Variants in MRPL48 observed in about 807,000 individuals in gnomAD.
MRPL48 encodes mitochondrial ribosomal protein L48.
In MRPL48, 16 loss-of-function variants were observed where a neutral mutation model predicts 32.9. That is an observed-to-expected ratio of 0.49 (90% CI 0.33 to 0.74). MRPL48 has a LOEUF of 0.74. Ranked by LOEUF, MRPL48 falls within the 30% of genes least tolerant of loss-of-function variation. The pLI is 0.02. For missense variants in MRPL48, 206 were observed against 245.3 expected, an observed-to-expected ratio of 0.84 and a Z score of 1.07; for synonymous variants, 94 against 89.2, an observed-to-expected ratio of 1.05 and a Z score of -0.31.
intron 3 of MRPL48, among the ~76,000 whole-genome samples, chr11:73,813,957 C>T (rs1947613251): frequency 6.7e-6 from 1 of 149,290 alleles, no homozygotes; most frequent in South Asian, 2.1e-4. Flanking sequence ...AGGGGAATGG[C>T]GTGAACCCGG....
At position 73,863,279 on chromosome 11, in the gene MRPL48, AAGAGGCCCCTGCTGGCCTGCAT is replaced by A; in HGVS notation, c.564+20_564+41del. ...TGAAGGAGGTAGGTGCTGGTTTGAG[AAGAGGCCCCTGCTGGCCTGCAT>A]ATGCTCAAAATAAGGATAAGAACAT... On this transcript the variant is annotated intron_variant, in intron 7 of 7. Coordinates refer to ENST00000310614, the MANE Select transcript of MRPL48 (RefSeq NM_016055.6). The A allele has an allele frequency of 6.5e-7, 1 of 1,547,746 alleles. No homozygotes were observed. Among genetic ancestry groups the A allele is most frequent in the Non-Finnish European group, 8.8e-7 (1 of 1,141,988 alleles).
chr11:73,817,819 TGA>T, intron 3 of MRPL48: 2 of 407,858 alleles, frequency 4.9e-6, no homozygotes, highest in South Asian at 1.8e-5. Context: ...TTTTTGTTTT[TGA>T]GAGAGAGACG....
At chr11:73,798,653 G>A (rs545494251) in intron 1 of MRPL48, among the ~76,000 whole-genome samples, 16 of 152,144 alleles carry the variant, frequency 1.1e-4, no homozygotes, top group African/African-American at 3.6e-4. Flanking sequence ...GTAACAGATG[G>A]ATCATTATAG....
At chr11:73,835,808 G>T (rs1269082081) in intron 4 of MRPL48, among the ~76,000 whole-genome samples, 1 of 152,070 alleles carries the variant, frequency 6.6e-6, no homozygotes, top group African/African-American at 2.4e-5. Context: ...TGAGGCACAA[G>T]AATTGCTTCA....
chr11:73,855,780 C>T (rs1408554313), intron 5 of MRPL48, among the ~76,000 whole-genome samples: 3 of 152,216 alleles, frequency 2.0e-5, no homozygotes, highest in African/African-American at 7.2e-5. Context: ...GCCACCGTGC[C>T]TGGCCTCTTT....
chr11:73,790,695 T>C (rs576816012), intron 1 of MRPL48, among the ~76,000 whole-genome samples: 1 of 151,538 alleles, frequency 6.6e-6, no homozygotes, highest in South Asian at 2.1e-4. Context: ...CTCAGCTAAT[T>C]TTTTTATTTT....
chr11:73,851,455 G>T (rs1948388323), intron 5 of MRPL48, among the ~76,000 whole-genome samples: 1 of 152,202 alleles, frequency 6.6e-6, no homozygotes, highest in Admixed American at 6.5e-5. Context: ...TTCTTTAGGA[G>T]ATTTGATAAT....
intron 4 of MRPL48, chr11:73,832,759 T>C (rs1948019066): frequency 6.6e-6 from 1 of 152,228 alleles, no homozygotes; most frequent in Non-Finnish European, 1.5e-5. Context: ...AGACATGTAT[T>C]ATAGGACTGG....
rs1373752994 is a variant in MRPL48 at position 73,825,790 on chromosome 11, A to C, written c.195A>C (p.Ala65=). ...GIGKYKHLIK[A]EEPKKKKGKV... Reference sequence around the variant, plus strand: ...GAAAGTACAAGCACTTAATTAAAGCAGAAGAGGTAACGGGCAGGGGGAGTC... The same window carrying C: ...GAAAGTACAAGCACTTAATTAAAGCCGAAGAGGTAACGGGCAGGGGGAGTC... The change falls in exon 4 of 8, where the codon GCA becomes GCC. Residue 65 remains alanine, a synonymous_variant. Transcript: ENST00000310614. The C allele has an allele frequency of 1.9e-6, 3 of 1,562,122 alleles. No individual in the cohort carries two copies. The highest frequency in any genetic ancestry group is 2.6e-6 in the Non-Finnish European group (3 of 1,153,066).
chr11:73,856,253 T>C (rs955406442), intron 5 of MRPL48, among the ~76,000 whole-genome samples: 1 of 152,162 alleles, frequency 6.6e-6, no homozygotes, highest in Non-Finnish European at 1.5e-5. Flanking sequence ...CAGACTGTGG[T>C]ATTGTTAGGC....
intron 5 of MRPL48, among the ~76,000 whole-genome samples, chr11:73,853,680 C>CTTTTT (rs58486952): frequency 6.3e-5 from 5 of 79,122 alleles, no homozygotes; most frequent in African/African-American, 1.0e-4. Context: ...GAGATAGCTT[C>CTTTTT]TTTTTTTTTT....
intron 4 of MRPL48, among the ~76,000 whole-genome samples, chr11:73,840,098 TA>T (rs35939600): frequency 0.15 from 20,857 of 136,984 alleles, 1,482 homozygotes; most frequent in African/African-American, 0.18. Context: ...ACCCTGTCCT[TA>T]AAAAAAAAAA....
At chr11:73,816,352 G>T (rs559005853) in intron 3 of MRPL48, among the ~76,000 whole-genome samples, 1 of 120,056 alleles carries the variant, frequency 8.3e-6, no homozygotes, top group Non-Finnish European at 1.8e-5. Flanking sequence ...GAGCCACCGT[G>T]CCCGGCCGGA....
In MRPL48 at chr11:73,822,421, C is replaced by T. The variant is rs111335923; in HGVS notation, c.113-3287C>T. 2.6e-5 allele frequency among the ~76,000 whole-genome samples: 4 copies of T among 152,088 alleles called. No individual in the cohort carries two copies. The South Asian group carries it at 8.3e-4, about 31-fold the overall frequency. On this transcript the variant is annotated intron_variant, in intron 3 of 7. Coordinates refer to ENST00000310614, the MANE Select transcript of MRPL48 (RefSeq NM_016055.6). Reference sequence around the variant, plus strand: ...CCTATCTTCCTTTCATACTATACCTCGAGTATCTCAAGGGAAAGTAGCATA... The same window carrying T: ...CCTATCTTCCTTTCATACTATACCTTGAGTATCTCAAGGGAAAGTAGCATA...
At chr11:73,854,334 A>C (rs1948452209) in intron 5 of MRPL48, among the ~76,000 whole-genome samples, 1 of 152,198 alleles carries the variant, frequency 6.6e-6, no homozygotes, top group African/African-American at 2.4e-5. Context: ...CCCAGGCTGG[A>C]GTGCCGTGGC....
At chr11:73,847,541 C>T (rs1195339266) in intron 5 of MRPL48, among the ~76,000 whole-genome samples, 6 of 151,932 alleles carry the variant, frequency 3.9e-5, no homozygotes, top group East Asian at 3.9e-4. Context: ...CTCGGGTTCA[C>T]GCCATTCTCC....
At chr11:73,798,669 G>C (rs756594140) in intron 1 of MRPL48, among the ~76,000 whole-genome samples, 5 of 152,096 alleles carry the variant, frequency 3.3e-5, no homozygotes, top group Non-Finnish European at 7.4e-5. Flanking sequence ...TATAGACAGA[G>C]AGGCTAGTAT....
At chr11:73,791,920 T>A (rs1947161320) in intron 1 of MRPL48, among the ~76,000 whole-genome samples, 1 of 152,180 alleles carries the variant, frequency 6.6e-6, no homozygotes, top group Admixed American at 6.5e-5. Flanking sequence ...CTGCAGATAA[T>A]CTCAAATTTT....
At chr11:73,797,439 G>A (rs1012474790) in intron 1 of MRPL48, among the ~76,000 whole-genome samples, 10 of 152,198 alleles carry the variant, frequency 6.6e-5, no homozygotes, top group Admixed American at 4.6e-4. Context: ...GCCCTTCAGG[G>A]AGCCCAGACC....
Sources: allele counts gnomAD v4.1 joint callset (sites outside exome capture counted in the v4.1 genomes callset), GRCh38; gene constraint gnomAD v4.1.1; transcripts MANE v1.5; gene names NCBI Gene and HGNC (gene_info 2026-07-23, HGNC 2026-07-21).